The following PANK2 variants were observed in gnomAD, a reference collection of about 807,000 sequenced individuals.
PANK2 encodes the protein pantothenate kinase 2.
In PANK2, 36 loss-of-function variants were observed where a neutral mutation model predicts 43.1. That is an observed-to-expected ratio of 0.84 (90% CI 0.64 to 1.10). The LOEUF (loss-of-function observed/expected upper bound fraction) is 1.10. PANK2 is among the 50% of genes least tolerant of loss of function. PANK2 has a pLI of 0.00. For synonymous variants in PANK2, 281 were observed against 238.2 expected (o/e 1.18, Z -1.66); for missense variants, 576 against 593.3 (o/e 0.97, Z 0.30).
chr20:3,923,033 C>T (rs2090670968), intron 6 of PANK2, among the ~76,000 whole-genome samples: 1 of 152,162 alleles, frequency 6.6e-6, no homozygotes, highest in Non-Finnish European at 1.5e-5. Context: ...GTCTGAAGTG[C>T]TTGGATAGTC....
At chr20:3,904,646 G>C (rs2090356951) in intron 1 of PANK2, among the ~76,000 whole-genome samples, 1 of 152,148 alleles carries the variant, frequency 6.6e-6, no homozygotes, top group Non-Finnish European at 1.5e-5. Context: ...TTATTTAGTT[G>C]TATATAATTT....
chr20:3,901,725 T>A, intron 1 of PANK2: 1 of 457,156 alleles, frequency 2.2e-6, no homozygotes, highest in Non-Finnish European at 2.9e-6. Flanking sequence ...TTGGATGTTT[T>A]AAAATTATGG....
chr20:3,889,930 T>G, intron 1 of PANK2: 1 of 1,531,232 alleles, frequency 6.5e-7, no homozygotes, highest in Non-Finnish European at 8.7e-7. Flanking sequence ...CCCGCACCCA[T>G]TGGTATGCAC....
intron 3 of PANK2, 125 bp from the exon 4 acceptor site, chr20:3,912,333 C>T (rs2090480527): frequency 1.9e-6 from 2 of 1,027,382 alleles, no homozygotes; most frequent in Non-Finnish European, 3.0e-6. Context: ...AGACTTGTTT[C>T]CTACCAGTGG....
rs932682673 is a variant in PANK2 at position 3,928,081 on chromosome 20, C to T, written c.*4787C>T. 6 of 152,254 alleles carry T rather than the reference C, an allele frequency of 3.9e-5. No individual in the cohort carries two copies. In the East Asian group the frequency reaches 5.8e-4, roughly 15 times the overall value. The allele number at this position is 152,254 out of a possible 1,614,324, so 9.4% of individuals were successfully genotyped here. ...CCCTTATTAATCTTTACTAAAGAAC[C>T]GTGAACCAGCATTTTCCAGTTATCA... On this transcript the variant is annotated 3_prime_UTR_variant, in exon 7 of 7. Transcript: ENST00000610179.
intron 2 of PANK2, among the ~76,000 whole-genome samples, chr20:3,909,241 C>T (rs1430438976): frequency 1.3e-5 from 2 of 152,058 alleles, no homozygotes; most frequent in African/African-American, 4.8e-5. Flanking sequence ...CCACCACGCC[C>T]GGCTAATTTT....
At chr20:3,905,234 A>G (rs1420515629) in intron 1 of PANK2, among the ~76,000 whole-genome samples, 1 of 152,062 alleles carries the variant, frequency 6.6e-6, no homozygotes, top group African/African-American at 2.4e-5. Context: ...CTTGGATAGA[A>G]TACCCCTACG....
intron 2 of PANK2, among the ~76,000 whole-genome samples, chr20:3,909,601 T>G (rs796623249): frequency 2.1e-4 from 32 of 152,274 alleles, no homozygotes; most frequent in African/African-American, 7.5e-4. Flanking sequence ...CATTTTTGTT[T>G]TGTTTTGAGA....
chr20:3,920,385 G>A (rs920010043), intron 6 of PANK2, among the ~76,000 whole-genome samples: 10 of 151,892 alleles, frequency 6.6e-5, no homozygotes, highest in Admixed American at 2.0e-4. Flanking sequence ...GCGCAATGGC[G>A]GGCGCCTATA....
Position 3,898,366 on chromosome 20 carries a change from A to G in PANK2, c.298+8638A>G, listed in dbSNP as rs535887033. 4.1e-4 allele frequency among the ~76,000 whole-genome samples: 62 copies of G among 151,950 alleles called. 1 individual carries two copies. Among genetic ancestry groups the G allele is most frequent in the Non-Finnish European group, 2.8e-4 (19 of 67,980 alleles). Reference sequence around the variant, plus strand: ...AGGCGCCCACCACCATGCCTGACTAATTTTTGTATTTTTAGTAGAGATGGG... The same window carrying G: ...AGGCGCCCACCACCATGCCTGACTAGTTTTTGTATTTTTAGTAGAGATGGG... On this transcript the variant is annotated intron_variant, in intron 1 of 6. Coordinates refer to ENST00000610179, the MANE Select transcript of PANK2 (RefSeq NM_001386393.1).
rs2090733211 is a variant in PANK2 at position 3,927,147 on chromosome 20, G to A, written c.*3853G>A. On this transcript the variant is annotated 3_prime_UTR_variant, in exon 7 of 7. Coordinates refer to ENST00000610179, the MANE Select transcript of PANK2 (RefSeq NM_001386393.1). ...TTCACCACTGACCCCACCCCCGCTT[G>A]CACACTATGCCACAGGAAGGGCAGG... 6.6e-6 allele frequency among the ~76,000 whole-genome samples: 1 copy of A among 152,070 alleles called. No homozygotes were observed. The highest frequency in any genetic ancestry group is 1.5e-5 in the Non-Finnish European group (1 of 67,998).
rs1162702404 is a variant in PANK2, at chr20:3,916,846, A to C, written c.1083-81A>C. 12 of 1,583,888 alleles carry C rather than the reference A, an allele frequency of 7.6e-6. No individual in the cohort carries two copies. The East Asian group carries it at 2.3e-4, about 30-fold the overall frequency. On this transcript the variant is annotated intron_variant, in intron 4 of 6. Coordinates refer to ENST00000610179, the MANE Select transcript of PANK2 (RefSeq NM_001386393.1). The stretch of plus-strand genomic sequence containing the variant: ...CAATGTTGCCCTAAAAGCTAATTTT[A>C]TTTCAATAAAGTAACATTCAAGTTC...
intron 6 of PANK2, among the ~76,000 whole-genome samples, chr20:3,919,029 C>G (rs528324631): frequency 6.6e-6 from 1 of 152,324 alleles, no homozygotes; most frequent in Admixed American, 6.5e-5. Context: ...ACCTCAGTCT[C>G]TTAAGTAGCT....
rs1394032823 is a variant in PANK2 at position 3,889,652 on chromosome 20, G to A, written c.222G>A (p.Arg74=). The A allele has an allele frequency of 6.3e-7, 1 of 1,586,422 alleles. No homozygotes were observed. Among genetic ancestry groups the A allele is most frequent in the Admixed American group, 1.7e-5 (1 of 58,758 alleles). Reference sequence around the variant, plus strand: ...GGGCCTCGGCTGAGGGCACGAGGCGGGATCGACTGGGCTCTTACAGCGGCC... The same window carrying A: ...GGGCCTCGGCTGAGGGCACGAGGCGAGATCGACTGGGCTCTTACAGCGGCC... The change falls in exon 1 of 7, where the codon CGG becomes CGA. Residue 74 remains arginine (R), a synonymous_variant. Transcript: ENST00000610179.
chr20:3,906,558 A>G (rs908080949), intron 1 of PANK2, among the ~76,000 whole-genome samples: 2 of 152,238 alleles, frequency 1.3e-5, no homozygotes, highest in Non-Finnish European at 2.9e-5. Context: ...AAAATCTTCT[A>G]GCATAAAGCT....
Position 3,889,525 on chromosome 20 carries a change from C to T in PANK2, c.95C>T (p.Thr32Ile). 1 of 1,428,310 alleles carries T rather than the reference C, an allele frequency of 7.0e-7. No individual in the cohort carries two copies. The highest frequency in any genetic ancestry group is 9.1e-7 in the Non-Finnish European group (1 of 1,101,980). The allele number at this position is 1,428,310 out of a possible 1,614,324, so 88.5% of individuals were successfully genotyped here. ...GAGCGCCACGGCAGGGCTTCCGCCACCTCCGTCTCGTCGGCTGGGGAGCAG... is the reference window on the plus strand; with the variant it reads ...GAGCGCCACGGCAGGGCTTCCGCCATCTCCGTCTCGTCGGCTGGGGAGCAG... Residue 32 changes from threonine to isoleucine, a missense_variant, in exon 1 of 7, where the codon ACC becomes ATC. By Grantham distance (89) the Thr-to-Ile change is moderately conservative (BLOSUM62 -1). Transcript: ENST00000610179.
chr20:3,890,083 A>C (rs753801923), intron 1 of PANK2, among the ~76,000 whole-genome samples: 3 of 152,074 alleles, frequency 2.0e-5, no homozygotes, highest in Non-Finnish European at 4.4e-5. Flanking sequence ...TTTCCTCCCA[A>C]ATCCTTTGAA....
chr20:3,892,341 AAAAAAAAAAC>A (rs1192505215), intron 1 of PANK2, among the ~76,000 whole-genome samples: 1 of 11,702 alleles, frequency 8.5e-5, no homozygotes, highest in Non-Finnish European at 2.1e-4. Context: ...GAGACTCCTC[AAAAAAAAAAC>A]AAAAAAAAAG....
chr20:3,915,288 TG>T (rs768337315), intron 4 of PANK2, among the ~76,000 whole-genome samples: 2 of 152,002 alleles, frequency 1.3e-5, no homozygotes, highest in Non-Finnish European at 2.9e-5. Context: ...TATATGTGTG[TG>T]TGTGTATTTT....
Sources: allele counts gnomAD v4.1 joint callset (sites outside exome capture counted in the v4.1 genomes callset), GRCh38; gene constraint gnomAD v4.1.1; transcripts MANE v1.5; gene names NCBI Gene and HGNC (gene_info 2026-07-23, HGNC 2026-07-21).